Variants in TTC28 observed in about 807,000 individuals in gnomAD.
TTC28 encodes the protein tetratricopeptide repeat domain 28.
TTC28 carries 61 observed loss-of-function variants against 198.0 expected under a neutral mutation model. That is an observed-to-expected ratio of 0.31 (90% confidence interval 0.25 to 0.38). TTC28 has a LOEUF of 0.38. Ranked by LOEUF, TTC28 falls within the 10% of genes least tolerant of loss-of-function variation. The pLI, the probability that TTC28 is intolerant of heterozygous loss-of-function variation, is 1.00. For synonymous variants in TTC28, 1,171 were observed against 1,297.8 expected, an observed-to-expected ratio of 0.90 and a Z score of 2.10; for missense variants, 2,678 against 3,164.0, an observed-to-expected ratio of 0.85 and a Z score of 3.69.
chr22:28,061,847 T>C (rs1940555080), intron 12 of TTC28, among the ~76,000 whole-genome samples: 1 of 152,232 alleles, frequency 6.6e-6, no homozygotes. Context: ...TTCCTATCCA[T>C]GAGCATGGAA....
intron 2 of TTC28, among the ~76,000 whole-genome samples, chr22:28,608,758 C>T (rs897361048): frequency 6.6e-6 from 1 of 152,138 alleles, no homozygotes; most frequent in African/African-American, 2.4e-5. Context: ...TTGGCAAAGG[C>T]TGAGAAACTT....
chr22:28,207,960 T>A (rs552163479), intron 5 of TTC28, among the ~76,000 whole-genome samples: 2 of 151,958 alleles, frequency 1.3e-5, no homozygotes, highest in East Asian at 3.9e-4. Context: ...GTGCACCCTG[T>A]GGGCAAGGGG....
At chr22:28,449,596 AGTCAGATCC>A (rs749257925) in intron 2 of TTC28, among the ~76,000 whole-genome samples, 6 of 152,250 alleles carry the variant, frequency 3.9e-5, no homozygotes, top group Non-Finnish European at 7.3e-5. Flanking sequence ...AATTCAAGTC[AGTCAGATCC>A]AAAGCCTTGC....
At chr22:28,243,153 C>T (rs1349595252) in intron 5 of TTC28, among the ~76,000 whole-genome samples, 2 of 118,118 alleles carry the variant, frequency 1.7e-5, no homozygotes, top group Non-Finnish European at 3.3e-5. Flanking sequence ...GCCTGGGCAA[C>T]CTGGCAAAAC....
chr22:28,051,034 G>C (rs1402471302), intron 12 of TTC28, among the ~76,000 whole-genome samples: 2 of 152,040 alleles, frequency 1.3e-5, no homozygotes, highest in African/African-American at 2.4e-5. Context: ...GAGTCTATTT[G>C]GTCTCGATAA....
intron 2 of TTC28, among the ~76,000 whole-genome samples, chr22:28,492,512 A>AAAAC (rs1287815720): frequency 3.9e-5 from 6 of 152,184 alleles, no homozygotes; most frequent in Admixed American, 1.3e-4. Context: ...CAAGGACCAA[A>AAAAC]AAACAAACAA....
chr22:28,211,190 A>G (rs547421456), intron 5 of TTC28, among the ~76,000 whole-genome samples: 1 of 152,328 alleles, frequency 6.6e-6, no homozygotes, highest in African/African-American at 2.4e-5. Flanking sequence ...GCCAAATTGT[A>G]AAGACCATTG....
chr22:28,535,922 A>G (rs1163305343), intron 2 of TTC28, among the ~76,000 whole-genome samples: 1 of 152,124 alleles, frequency 6.6e-6, no homozygotes, highest in Non-Finnish European at 1.5e-5. Context: ...ATTAAAAAAA[A>G]GACCTAGGCC....
intron 5 of TTC28, among the ~76,000 whole-genome samples, chr22:28,273,898 T>C (rs184194470): frequency 1.1e-4 from 16 of 152,216 alleles, no homozygotes; most frequent in East Asian, 1.9e-4. Flanking sequence ...TAGTTTTCAA[T>C]AGAAAACAGT....
At chr22:28,572,088 C>T (rs2050072182) in intron 2 of TTC28, among the ~76,000 whole-genome samples, 1 of 151,626 alleles carries the variant, frequency 6.6e-6, no homozygotes, top group East Asian at 1.9e-4. Flanking sequence ...AATCCCAACA[C>T]TTTGGGAGGT....
intron 2 of TTC28, among the ~76,000 whole-genome samples, chr22:28,359,902 A>C (rs1056141080): frequency 2.6e-5 from 4 of 152,118 alleles, no homozygotes; most frequent in African/African-American, 7.2e-5. Flanking sequence ...CAAGCAATAT[A>C]CATGACATTA....
At chr22:28,504,051 A>C (rs1208191638) in intron 2 of TTC28, among the ~76,000 whole-genome samples, 1 of 152,216 alleles carries the variant, frequency 6.6e-6, no homozygotes, top group African/African-American at 2.4e-5. Context: ...TATTTGCTAC[A>C]TTTACAGACT....
At chr22:28,593,412 A>T (rs897588030) in intron 2 of TTC28, among the ~76,000 whole-genome samples, 4 of 152,178 alleles carry the variant, frequency 2.6e-5, no homozygotes, top group African/African-American at 9.7e-5. Context: ...TGTCAGTTGC[A>T]GACTCTTAGC....
Position 27,983,722 on chromosome 22 carries a change from G to T in TTC28, c.5945C>A (p.Ala1982Glu). 3.9e-6 allele frequency: 6 copies of T among 1,551,486 alleles called. No individual in the cohort carries two copies. The highest frequency in any genetic ancestry group is 5.2e-6 in the Non-Finnish European group (6 of 1,146,908). Residue 1982 changes from alanine (A) to glutamate (E), a missense_variant, in exon 23 of 23, where the codon GCG (alanine) becomes GAG (glutamate). This residue lies in a region of TTC28 where 622 missense variants were observed against 656.0 expected (regional missense o/e 0.95). Transcript: ENST00000397906. ...GATGGCATCTGAGGCGATGCTGTCCGCACCGGTGGGAGAGAAGGGGGGTTG... is the reference window on the plus strand; with the variant it reads ...GATGGCATCTGAGGCGATGCTGTCCTCACCGGTGGGAGAGAAGGGGGGTTG... ...YQQPPFSPTG[A>E]DSIASDAISV...
At chr22:28,561,330 C>T (rs1386537959) in intron 2 of TTC28, among the ~76,000 whole-genome samples, 2 of 152,160 alleles carry the variant, frequency 1.3e-5, no homozygotes, top group Non-Finnish European at 2.9e-5. Flanking sequence ...CCCACCTCGG[C>T]CTCCCAAAGT....
chr22:28,098,937 C>G lies in TTC28; in HGVS notation c.3525G>C (p.Leu1175Phe). 1 of 1,551,740 alleles carries G rather than the reference C, an allele frequency of 6.4e-7. No homozygotes were observed. Among genetic ancestry groups the G allele is most frequent in the Non-Finnish European group, 8.7e-7 (1 of 1,147,000 alleles). ...FDLQTSSYQA[L>F]QRVLVSLGHH... ...CACCTAGGCTGACGAGCACCCGCTG[C>G]AAGGCCTGGTAGGATGATGTCTGCA... The change falls in exon 10 of 23, where the codon TTG becomes TTC. Residue 1175 changes from leucine (L) to phenylalanine (F), a missense_variant. Coordinates refer to ENST00000397906, the MANE Select transcript of TTC28 (RefSeq NM_001145418.2).
At chr22:28,050,574 A>G (rs1050090754) in intron 12 of TTC28, among the ~76,000 whole-genome samples, 1 of 152,224 alleles carries the variant, frequency 6.6e-6, no homozygotes, top group Admixed American at 6.5e-5. Flanking sequence ...TTTGAGATGC[A>G]CGATGGCAGA....
intron 2 of TTC28, among the ~76,000 whole-genome samples, chr22:28,602,312 C>A (rs2050652295): frequency 6.6e-6 from 1 of 152,044 alleles, no homozygotes; most frequent in Non-Finnish European, 1.5e-5. Flanking sequence ...TACTTCTTGC[C>A]ACGTAATTGA....
chr22:28,515,340 T>C (rs2048764776), intron 2 of TTC28, among the ~76,000 whole-genome samples: 1 of 152,180 alleles, frequency 6.6e-6, no homozygotes, highest in Admixed American at 6.5e-5. Flanking sequence ...AAGGCTCTCC[T>C]CAATTATTTT....
Sources: allele counts gnomAD v4.1 joint callset (sites outside exome capture counted in the v4.1 genomes callset), GRCh38; gene constraint gnomAD v4.1.1; regional missense constraint gnomAD v4.1.1; transcripts MANE v1.5; gene names NCBI Gene and HGNC (gene_info 2026-07-23, HGNC 2026-07-21).